IL1RAPL1: variants seen among roughly 807,000 people sequenced by gnomAD.
IL1RAPL1 encodes the protein interleukin 1 receptor accessory protein like 1.
IL1RAPL1 carries 3 observed loss-of-function variants against 48.4 expected under a neutral mutation model. That is an observed-to-expected ratio of 0.06 (90% CI 0.03 to 0.16). The LOEUF is 0.16. IL1RAPL1 is among the 10% of genes least tolerant of loss of function. IL1RAPL1 has a pLI of 1.00. For synonymous variants in IL1RAPL1, 185 were observed against 187.7 expected (o/e 0.99, Z 0.12); for missense variants, 349 against 530.6 (o/e 0.66, Z 3.36).
intron 3 of IL1RAPL1, among the ~76,000 whole-genome samples, chrX:29,367,054 GTTATC>G (rs1933472121): frequency 9.0e-6 from 1 of 111,126 alleles, no homozygotes; most frequent in Non-Finnish European, 1.9e-5. Context: ...AACTCACTCT[GTTATC>G]TTAACATATA....
rs906871788 is a variant in IL1RAPL1 at position 29,591,413 on chromosome X, C to T, written c.704-77017C>T. ...AGCACAACCCTGACGCTGTTTCCTT[C>T]ATTCTCAGGACACTTCTGTGAATTA... On this transcript the variant is annotated intron_variant, in intron 5 of 10. Transcript: ENST00000378993. 2.7e-5 allele frequency among the ~76,000 whole-genome samples: 3 copies of T among 112,596 alleles called. No homozygotes were observed. In the East Asian group the frequency reaches 8.4e-4, roughly 31 times the overall value.
chrX:29,682,598 A>G (rs1311630165), intron 6 of IL1RAPL1, among the ~76,000 whole-genome samples: 3 of 111,693 alleles, frequency 2.7e-5, no homozygotes, highest in Admixed American at 1.9e-4. Context: ...TTGTGTGTCT[A>G]TTTCTCTTGT....
rs751574852 is a variant in IL1RAPL1, at chrX:29,645,898, C to T, written c.704-22532C>T. 4.5e-5 allele frequency among the ~76,000 whole-genome samples: 5 copies of T among 112,091 alleles called. No individual in the cohort carries two copies. In the Admixed American group the frequency reaches 4.7e-4, roughly 11 times the overall value. On this transcript the variant is annotated intron_variant, in intron 5 of 10. Transcript: ENST00000378993. Reference sequence around the variant, plus strand: ...CTAGCACTGCAATGACTGTAGTGCTCAAGGGCATAGGAACCATACCGGACA... The same window carrying T: ...CTAGCACTGCAATGACTGTAGTGCTTAAGGGCATAGGAACCATACCGGACA...
intron 1 of IL1RAPL1, among the ~76,000 whole-genome samples, chrX:28,727,939 A>C (rs1935700909): frequency 1.8e-5 from 2 of 108,391 alleles, no homozygotes; most frequent in African/African-American, 6.7e-5. Flanking sequence ...GGAAGGGGGG[A>C]GGGATAGCAT....
chrX:29,870,537 T>A (rs1389156549), intron 6 of IL1RAPL1, among the ~76,000 whole-genome samples: 2 of 111,941 alleles, frequency 1.8e-5, no homozygotes, highest in African/African-American at 6.5e-5. Flanking sequence ...AGCTTCCACT[T>A]TTCCTTGCGT....
chrX:29,784,445 A>T (rs1486419088), intron 6 of IL1RAPL1, among the ~76,000 whole-genome samples: 1 of 111,655 alleles, frequency 9.0e-6, no homozygotes, highest in Admixed American at 9.5e-5. Context: ...TGCCTTGGCT[A>T]TTCATACACA....
At chrX:29,693,152 T>C (rs901729360) in intron 6 of IL1RAPL1, among the ~76,000 whole-genome samples, 10 of 112,213 alleles carry the variant, frequency 8.9e-5, no homozygotes, top group Non-Finnish European at 1.3e-4. Flanking sequence ...ACCTTATTCA[T>C]AAACAGACAT....
intron 2 of IL1RAPL1, among the ~76,000 whole-genome samples, chrX:29,083,326 C>T (rs1308721227): frequency 8.9e-6 from 1 of 111,820 alleles, no homozygotes; most frequent in East Asian, 2.8e-4. Flanking sequence ...TTCACATCAG[C>T]AAGCTATGAT....
intron 2 of IL1RAPL1, among the ~76,000 whole-genome samples, chrX:29,006,098 A>G (rs775708406): frequency 2.7e-5 from 3 of 111,578 alleles, no homozygotes. Flanking sequence ...TAAAGAATGC[A>G]TCAATGGGCT....
intron 6 of IL1RAPL1, among the ~76,000 whole-genome samples, chrX:29,769,593 G>A (rs1348179919): frequency 2.0e-5 from 2 of 98,315 alleles, no homozygotes; most frequent in Admixed American, 2.3e-4. Context: ...ATAGGCGCCC[G>A]CCACCATGCC....
intron 2 of IL1RAPL1, among the ~76,000 whole-genome samples, chrX:29,262,059 T>G (rs776822867): frequency 5.4e-5 from 6 of 111,451 alleles, no homozygotes; most frequent in Non-Finnish European, 9.4e-5. Flanking sequence ...CTGCTTGGGT[T>G]TTTGTCCTGG....
intron 2 of IL1RAPL1, among the ~76,000 whole-genome samples, chrX:29,018,540 C>T (rs1019409752): frequency 9.0e-5 from 10 of 111,581 alleles, no homozygotes; most frequent in Admixed American, 5.7e-4. Context: ...CAGGTGAGAA[C>T]ATTCTAAAAT....
chrX:29,527,846 A>G (rs982214274), intron 5 of IL1RAPL1, among the ~76,000 whole-genome samples: 1 of 112,038 alleles, frequency 8.9e-6, no homozygotes, highest in Non-Finnish European at 1.9e-5. Flanking sequence ...AGAAAGATGG[A>G]CAAAAATATA....
intron 1 of IL1RAPL1, among the ~76,000 whole-genome samples, chrX:28,646,954 T>A (rs1934619630): frequency 8.9e-6 from 1 of 112,188 alleles, no homozygotes; most frequent in Non-Finnish European, 1.9e-5. Context: ...ACACCCAAGT[T>A]GGCTGAATTC....
In IL1RAPL1 at chrX:28,891,378, A is replaced by G. The variant is rs73631623; in HGVS notation, c.82+101953A>G. On this transcript the variant is annotated intron_variant, in intron 2 of 10. Transcript: ENST00000378993. Reference sequence around the variant, plus strand: ...TAAATTGTATAATTTGATGATTTCTAATAATAACCATAGAGTTGCATAAGC... The same window carrying G: ...TAAATTGTATAATTTGATGATTTCTGATAATAACCATAGAGTTGCATAAGC... Among the ~76,000 whole-genome samples the G allele has an allele frequency of 1.0e-2, 1,120 of 112,028 alleles. 13 individuals are homozygous for G. The highest frequency in any genetic ancestry group is 0.034 in the African/African-American group (1,050 of 30,864).
At chrX:29,838,375 A>G (rs1931061426) in intron 6 of IL1RAPL1, among the ~76,000 whole-genome samples, 1 of 112,303 alleles carries the variant, frequency 8.9e-6, no homozygotes, top group Non-Finnish European at 1.9e-5. Context: ...AATCCCTTCC[A>G]ACTTGGAATC....
chrX:29,850,060 C>T (rs1240198206), intron 6 of IL1RAPL1, among the ~76,000 whole-genome samples: 1 of 111,451 alleles, frequency 9.0e-6, no homozygotes. Context: ...AGAGTGAACC[C>T]GATGCACTGC....
chrX:29,283,341 T>C (rs774068074), intron 3 of IL1RAPL1, 124 bp downstream of exon 3: 27 of 646,153 alleles, frequency 4.2e-5, no homozygotes, highest in Non-Finnish European at 6.4e-5. Flanking sequence ...GTTGCTGCTT[T>C]CTAAAATTTA....
chrX:29,240,218 ATATATATTTTTT>A (rs1229131734), intron 2 of IL1RAPL1, among the ~76,000 whole-genome samples: 10 of 19,621 alleles, frequency 5.1e-4, no homozygotes, highest in South Asian at 2.8e-3. Flanking sequence ...ATATATATAT[ATATATATTTTTT>A]TTTTTTTTTT....
Sources: gnomAD v4.1 joint callset for allele counts (sites outside exome capture counted in the v4.1 genomes callset) on GRCh38, gnomAD v4.1.1 for gene constraint, MANE v1.5 for transcripts, NCBI Gene and HGNC (gene_info 2026-07-23, HGNC 2026-07-21) for gene names.